PSD4: variants seen among roughly 807,000 people sequenced by gnomAD.
PSD4 encodes the protein pleckstrin and Sec7 domain containing 4, also known as PH and SEC7 domain-containing protein 4.
Under a neutral mutation model 112.5 loss-of-function variants are expected in PSD4, and 59 were observed. The ratio of observed to expected loss-of-function variants is 0.52; its 90% CI spans 0.43 to 0.65. PSD4 has a LOEUF of 0.65. Among genes scored for constraint, PSD4 ranks in the 30% least tolerant of loss-of-function variants. The probability of loss-of-function intolerance (pLI) is 0.00; values close to 1 mark genes in which losing one functional copy is unlikely to be tolerated. For missense variants in PSD4, 1,267 were observed against 1,352.6 expected (o/e 0.94, Z 0.99); for synonymous variants, 533 against 540.0 (o/e 0.99, Z 0.18).
At chr2:113,197,497 G>A (rs902695) in intron 12 of PSD4, 67 bp from the exon 13 acceptor site, 748,089 of 1,564,628 alleles carry the variant, frequency 0.48, 183,222 homozygotes, top group East Asian at 0.65. Flanking sequence ...GCACACTTGC[G>A]TGTGTCTGAG....
Position 113,192,560 on chromosome 2 carries a change from G to A in PSD4, c.1809G>A (p.Lys603=). 6.2e-7 allele frequency: 1 copy of A among 1,614,194 alleles called. No homozygotes were observed. ...SRLYRLEGFR[K]SEVAAYLQKN... is the part of the protein sequence containing the mutation. ...TCTATCGCCTGGAGGGCTTCCGGAA[G>A]TCTGAAGTGGCTGCCTACCTGCAGA... Residue 603 remains lysine (K), a synonymous_variant, in exon 6 of 17, where the codon AAG becomes AAA. Coordinates refer to ENST00000245796, the MANE Select transcript of PSD4 (RefSeq NM_012455.3).
At chr2:113,179,578 T>C (rs1357619379) in intron 1 of PSD4, among the ~76,000 whole-genome samples, 2 of 152,200 alleles carry the variant, frequency 1.3e-5, no homozygotes, top group African/African-American at 2.4e-5. Flanking sequence ...CTTGGGCTGC[T>C]GGATTAAGGA....
In PSD4 at chr2:113,201,481, G is replaced by A; in HGVS notation, c.*66G>A. ...TAGACCTGAGATGAACCTCCCTGGAGGAGACTTATTTCAATGAGTCCACCA... is the reference window on the plus strand; with the variant it reads ...TAGACCTGAGATGAACCTCCCTGGAAGAGACTTATTTCAATGAGTCCACCA... On this transcript the variant is annotated 3_prime_UTR_variant, in exon 17 of 17. Transcript: ENST00000245796. 6.3e-7 allele frequency: 1 copy of A among 1,577,208 alleles called. No homozygotes were observed. The highest frequency in any genetic ancestry group is 1.1e-5 in the South Asian group (1 of 87,428).
intron 5 of PSD4, among the ~76,000 whole-genome samples, chr2:113,189,370 C>T (rs1197546690): frequency 1.4e-5 from 2 of 148,062 alleles, no homozygotes; most frequent in African/African-American, 5.2e-5. Flanking sequence ...TATATATACA[C>T]ACACACATAC....
chr2:113,190,609 T>C (rs1271177651), intron 5 of PSD4, among the ~76,000 whole-genome samples: 1 of 152,118 alleles, frequency 6.6e-6, no homozygotes, highest in African/African-American at 2.4e-5. Flanking sequence ...TAATTTTTAC[T>C]TATTTTTATT....
chr2:113,195,020 T>C (rs983535032), intron 10 of PSD4, among the ~76,000 whole-genome samples: 7 of 152,244 alleles, frequency 4.6e-5, no homozygotes, highest in African/African-American at 1.7e-4. Context: ...TGCACATTTA[T>C]TGTGGGGATT....
chr2:113,177,455 T>A (rs1447803083), intron 1 of PSD4, among the ~76,000 whole-genome samples: 1 of 152,112 alleles, frequency 6.6e-6, no homozygotes, highest in Non-Finnish European at 1.5e-5. Context: ...GGAGTTTGAG[T>A]GACTCAAGTG....
intron 1 of PSD4, among the ~76,000 whole-genome samples, chr2:113,179,149 T>C (rs1189273047): frequency 6.6e-6 from 1 of 152,048 alleles, no homozygotes; most frequent in East Asian, 1.9e-4. Flanking sequence ...AGATTTGGGG[T>C]CCAGGGTGTT....
At chr2:113,189,152 A>G (rs1688384731) in intron 5 of PSD4, among the ~76,000 whole-genome samples, 1 of 152,166 alleles carries the variant, frequency 6.6e-6, no homozygotes, top group South Asian at 2.1e-4. Context: ...GAGTGAGAAC[A>G]TAGGATGTTT....
At chr2:113,185,194 T>C (rs1688260227) in intron 3 of PSD4, 121 bp downstream of exon 3, 1 of 1,562,732 alleles carries the variant, frequency 6.4e-7, no homozygotes, top group South Asian at 1.2e-5. Context: ...ACATCAGGAC[T>C]CCCCTTCTGA....
chr2:113,201,333 C>G lies in PSD4; in HGVS notation c.3089C>G (p.Thr1030Ser). The stretch of plus-strand genomic sequence containing the variant: ...TCCCTGCACCAGGATGAGGCTCCCA[C>G]CACGGCCAAGGTGAAGCGCAACATC... ...SPSLHQDEAP[T>S]TAKVKRNISE... The change falls in exon 17 of 17, where the codon ACC becomes AGC. Residue 1030 changes from threonine to serine, a missense_variant. Transcript: ENST00000245796. 5 of 1,614,218 alleles carry G rather than the reference C, an allele frequency of 3.1e-6. No individual in the cohort carries two copies. The highest frequency in any genetic ancestry group is 4.2e-6 in the Non-Finnish European group (5 of 1,180,042).
Position 113,203,640 on chromosome 2 carries a change from C to G in PSD4, c.*2225C>G, listed in dbSNP as rs1013735169. On this transcript the variant is annotated 3_prime_UTR_variant, in exon 17 of 17. Coordinates refer to ENST00000245796, the MANE Select transcript of PSD4 (RefSeq NM_012455.3). ...AGTGCAATGGTGTGATCTTGGCTGA[C>G]TGCAACCTCCACTGAATCAAGCGAT... 1 of 133,596 alleles carries G rather than the reference C, an allele frequency of 7.5e-6. No individual in the cohort carries two copies. The highest frequency in any genetic ancestry group is 2.8e-5 in the African/African-American group (1 of 35,640). The allele number at this position is 133,596 out of a possible 1,614,324, so 8.3% of individuals were successfully genotyped here.
intron 1 of PSD4, among the ~76,000 whole-genome samples, chr2:113,179,221 G>A (rs577073474): frequency 5.3e-5 from 8 of 152,270 alleles, no homozygotes; most frequent in East Asian, 1.9e-4. Context: ...AAGTAGAACC[G>A]TCTCAGGCCT....
intron 2 of PSD4, among the ~76,000 whole-genome samples, chr2:113,183,896 G>T (rs915802502): frequency 1.3e-5 from 2 of 152,128 alleles, no homozygotes; most frequent in Non-Finnish European, 2.9e-5. Flanking sequence ...ACAGGGCAGC[G>T]CTCAGCCTGC....
At chr2:113,190,367 T>C (rs1688412003) in intron 5 of PSD4, among the ~76,000 whole-genome samples, 1 of 152,234 alleles carries the variant, frequency 6.6e-6, no homozygotes, top group Non-Finnish European at 1.5e-5. Flanking sequence ...TGAAGATCAG[T>C]TGGCTGTAAA....
At chr2:113,192,642 G>C in intron 6 of PSD4, 53 bp downstream of exon 6, 2 of 1,575,374 alleles carry the variant, frequency 1.3e-6, no homozygotes, top group Non-Finnish European at 1.7e-6. Context: ...CCAGGGAGGA[G>C]CTGCTGAAGG....
chr2:113,201,282 G>A lies in PSD4; in HGVS notation c.3038G>A (p.Ser1013Asn), dbSNP rs750531827. The change falls in exon 17 of 17, where the codon AGC (serine) becomes AAC (asparagine). Residue 1013 changes from serine to asparagine, a missense_variant. Ser to Asn is a conservative substitution (Grantham distance 46, BLOSUM62 1). This residue lies in a region of PSD4 where 544 missense variants were observed against 648.6 expected (regional missense o/e 0.84). Transcript: ENST00000245796. ...GGAGGCACTCGGGAGCCCAAGCTCA[G>A]CCTGAAGAAGTCCCACTCGAGCCCG... ...EAGGTREPKL[S>N]LKKSHSSPSL... 6.2e-7 allele frequency: 1 copy of A among 1,614,182 alleles called. No homozygotes were observed. Among genetic ancestry groups the A allele is most frequent in the African/African-American group, 1.3e-5 (1 of 75,060 alleles).
intron 5 of PSD4, 134 bp from the exon 6 acceptor site, chr2:113,192,246 T>G: frequency 1.2e-6 from 1 of 837,420 alleles, no homozygotes; most frequent in Non-Finnish European, 1.9e-6. Flanking sequence ...GCTGTGACTC[T>G]GTCTCTTCCC....
chr2:113,183,104 T>C lies in PSD4; in HGVS notation c.648T>C (p.Ser216=), dbSNP rs3748914. 0.44 allele frequency: 713,390 copies of C among 1,613,196 alleles called. 163,203 individuals carry two copies. The highest frequency in any genetic ancestry group is 0.7 in the African/African-American group (52,332 of 74,944). Residue 216 remains serine, a synonymous_variant, in exon 2 of 17, where the codon AGT becomes AGC. Coordinates refer to ENST00000245796, the MANE Select transcript of PSD4 (RefSeq NM_012455.3). The part of the protein sequence containing the change: ...PENEDSGEDS[S]EPEGEGQAWL... Reference sequence around the variant, plus strand: ...ATGAAGACTCAGGGGAAGACAGCAGTGAGCCTGAGGGAGAGGGCCAGGCAT... The same window carrying C: ...ATGAAGACTCAGGGGAAGACAGCAGCGAGCCTGAGGGAGAGGGCCAGGCAT...
Sources: allele counts gnomAD v4.1 joint callset (sites outside exome capture counted in the v4.1 genomes callset), GRCh38; gene constraint gnomAD v4.1.1; regional missense constraint gnomAD v4.1.1; transcripts MANE v1.5; gene names NCBI Gene and HGNC (gene_info 2026-07-23, HGNC 2026-07-21).